ARPP21: variants seen among roughly 807,000 people sequenced by gnomAD.
ARPP21 encodes the protein cAMP regulated phosphoprotein 21.
ARPP21 carries 69 observed loss-of-function variants against 113.2 expected under a neutral mutation model. The observed-to-expected ratio is 0.61, with a 90% CI of 0.50 to 0.74. The LOEUF is 0.74. Ranked by LOEUF, ARPP21 falls within the 30% of genes least tolerant of loss-of-function variation. The pLI is 0.00. For missense variants in ARPP21, 1,070 were observed against 1,037.4 expected, an observed-to-expected ratio of 1.03 and a Z score of -0.43; for synonymous variants, 368 against 375.5, an observed-to-expected ratio of 0.98 and a Z score of 0.23.
intron 19 of ARPP21, among the ~76,000 whole-genome samples, chr3:35,755,533 T>A (rs2151168154): frequency 6.6e-6 from 1 of 152,230 alleles, no homozygotes; most frequent in Non-Finnish European, 1.5e-5. Flanking sequence ...TGTCTCTCCA[T>A]TATGAGATAG....
intron 19 of ARPP21, chr3:35,744,380 A>G: frequency 2.3e-6 from 1 of 431,352 alleles, no homozygotes; most frequent in Non-Finnish European, 4.5e-6. Context: ...CTTTAGAAGA[A>G]GGCTATTGAC....
At chr3:35,747,153 C>A (rs562045653) in intron 19 of ARPP21, among the ~76,000 whole-genome samples, 2 of 152,048 alleles carry the variant, frequency 1.3e-5, no homozygotes, top group Non-Finnish European at 2.9e-5. Flanking sequence ...GAGCTCGAGA[C>A]CAGCCTGACC....
At chr3:35,732,092 G>C (rs1321468890) in intron 15 of ARPP21, among the ~76,000 whole-genome samples, 2 of 152,076 alleles carry the variant, frequency 1.3e-5, no homozygotes, top group Non-Finnish European at 2.9e-5. Flanking sequence ...CAGTTTTTCA[G>C]CTAATGTCAT....
chr3:35,784,286 T>C (rs1336574066), intron 19 of ARPP21, among the ~76,000 whole-genome samples: 1 of 152,240 alleles, frequency 6.6e-6, no homozygotes, highest in Non-Finnish European at 1.5e-5. Context: ...AGCTATCTCA[T>C]GCTGGCTCAC....
chr3:35,721,662 T>A lies in ARPP21; in HGVS notation c.1053T>A (p.Asn351Lys). The A allele has an allele frequency of 2.5e-6, 4 of 1,613,574 alleles. No homozygotes were observed. The highest frequency in any genetic ancestry group is 3.4e-6 in the Non-Finnish European group (4 of 1,179,890). The change falls in exon 14 of 21, where the codon AAT becomes AAA. Residue 351 changes from asparagine to lysine, a missense_variant. By Grantham distance (94) the Asn-to-Lys change is moderately conservative. Transcript: ENST00000684406. ...GGAGTCGACAGAGCAGCTCAGAAAATGAACTCAAGTGGTCTGACCACCAAA... is the reference window on the plus strand; with the variant it reads ...GGAGTCGACAGAGCAGCTCAGAAAAAGAACTCAAGTGGTCTGACCACCAAA... Reference protein sequence around the residue: ...TSGSRQSSSENELKWSDHQRA... With the variant: ...TSGSRQSSSEKELKWSDHQRA...
At chr3:35,682,752 T>TTC (rs774987467) in intron 3 of ARPP21, 96 bp from the exon 4 acceptor site, 1 of 1,151,664 alleles carries the variant, frequency 8.7e-7, no homozygotes, top group Non-Finnish European at 1.2e-6. Flanking sequence ...AGTGACATTT[T>TTC]TCTCTCTTTC....
At chr3:35,642,022 A>G (rs1698253999) in intron 1 of ARPP21, 1 of 152,226 alleles carries the variant, frequency 6.6e-6, no homozygotes, top group African/African-American at 2.4e-5. Context: ...TGCCTATTAA[A>G]CAGAGTACTT....
intron 19 of ARPP21, among the ~76,000 whole-genome samples, chr3:35,776,802 C>G (rs565331089): frequency 6.6e-4 from 101 of 152,176 alleles, no homozygotes; most frequent in Middle Eastern, 3.4e-3. Context: ...CCAGAAATCA[C>G]TGCTCTCCCA....
At chr3:35,737,643 A>G (rs1339376427) in intron 16 of ARPP21, among the ~76,000 whole-genome samples, 1 of 152,168 alleles carries the variant, frequency 6.6e-6, no homozygotes, top group Non-Finnish European at 1.5e-5. Flanking sequence ...TTTTAAATGT[A>G]TGGAGGAGGC....
chr3:35,708,779 C>T (rs1408713547), intron 10 of ARPP21, among the ~76,000 whole-genome samples, 190 bp from the exon 11 acceptor site: 2 of 152,208 alleles, frequency 1.3e-5, no homozygotes, highest in African/African-American at 2.4e-5. Flanking sequence ...AAACACCTCT[C>T]ACCATTGCAT....
At chr3:35,737,604 T>C (rs890305884) in intron 16 of ARPP21, among the ~76,000 whole-genome samples, 15 of 152,186 alleles carry the variant, frequency 9.9e-5, no homozygotes, top group Non-Finnish European at 1.5e-4. Flanking sequence ...GGAGAATAAA[T>C]GATTTTTTCT....
chr3:35,722,431 T>C (rs2093173820), intron 14 of ARPP21, among the ~76,000 whole-genome samples: 1 of 152,202 alleles, frequency 6.6e-6, no homozygotes, highest in Admixed American at 6.5e-5. Context: ...ATTGTAGAAA[T>C]ATTATGAAGA....
intron 9 of ARPP21, among the ~76,000 whole-genome samples, chr3:35,699,541 A>G (rs2085454301): frequency 6.6e-6 from 1 of 151,774 alleles, no homozygotes; most frequent in Non-Finnish European, 1.5e-5. Flanking sequence ...ATTTTATCCC[A>G]CAACCTGACT....
intron 19 of ARPP21, among the ~76,000 whole-genome samples, chr3:35,787,991 T>C (rs541789805): frequency 6.6e-6 from 1 of 152,202 alleles, no homozygotes; most frequent in Non-Finnish European, 1.5e-5. Flanking sequence ...ATTGACTGCC[T>C]CCTAAGATTG....
chr3:35,775,410 C>T (rs1170541464), intron 19 of ARPP21, among the ~76,000 whole-genome samples: 1 of 152,112 alleles, frequency 6.6e-6, no homozygotes, highest in East Asian at 1.9e-4. Context: ...CATGAAAACA[C>T]AGTGTATGTG....
chr3:35,669,214 A>C (rs2075720711), intron 1 of ARPP21, among the ~76,000 whole-genome samples: 1 of 152,078 alleles, frequency 6.6e-6, no homozygotes, highest in African/African-American at 2.4e-5. Flanking sequence ...CCCACTACAT[A>C]AGATTTTTCC....
intron 9 of ARPP21, among the ~76,000 whole-genome samples, chr3:35,703,022 A>G (rs186658480): frequency 3.9e-4 from 60 of 151,952 alleles, no homozygotes; most frequent in African/African-American, 1.4e-3. Flanking sequence ...TGAGATACGT[A>G]TACATATTGG....
chr3:35,754,534 G>T (rs1167109093), intron 19 of ARPP21, among the ~76,000 whole-genome samples: 2 of 151,912 alleles, frequency 1.3e-5, no homozygotes, highest in Non-Finnish European at 2.9e-5. Context: ...ATGTTCATGT[G>T]TTTCTTTCAT....
Position 35,683,014 on chromosome 3 carries a change from T to C in ARPP21, c.171+125T>C, listed in dbSNP as rs2079433300. On this transcript the variant is annotated intron_variant, in intron 4 of 20. Transcript: ENST00000684406. ...TCCAGATATTGTGGGGCATCTCGGCTGTACTGGTGCTGGCTGTTTTTGATG... is the reference window on the plus strand; with the variant it reads ...TCCAGATATTGTGGGGCATCTCGGCCGTACTGGTGCTGGCTGTTTTTGATG... 3 of 890,382 alleles carry C rather than the reference T, an allele frequency of 3.4e-6. No individual in the cohort carries two copies. The East Asian group carries it at 7.8e-5, about 23-fold the overall frequency. The allele number at this position is 890,382 out of a possible 1,614,324, so 55.2% of individuals were successfully genotyped here. A position where few individuals can be genotyped will look rare whatever the true frequency, so the allele number is the denominator to read the frequency against.
Sources: gnomAD v4.1 joint callset for allele counts (sites outside exome capture counted in the v4.1 genomes callset) on GRCh38, gnomAD v4.1.1 for gene constraint, MANE v1.5 for transcripts, NCBI Gene and HGNC (gene_info 2026-07-23, HGNC 2026-07-21) for gene names.